EHBP1: variants seen among roughly 807,000 people sequenced by gnomAD.
EHBP1 encodes the protein EH domain-binding protein 1.
A neutral mutation model predicts 144.0 loss-of-function variants in EHBP1; 55 were observed. The ratio of observed to expected loss-of-function variants is 0.38; its 90% CI spans 0.31 to 0.48. EHBP1 has a LOEUF of 0.48. Among genes scored for constraint, EHBP1 ranks in the 20% least tolerant of loss-of-function variants. The probability of loss-of-function intolerance (pLI) is 0.98; values close to 1 mark genes in which losing one functional copy is unlikely to be tolerated. For missense variants in EHBP1, 1,200 were observed against 1,364.2 expected (o/e 0.88, Z 1.90); for synonymous variants, 469 against 472.7 (o/e 0.99, Z 0.10).
chr2:62,817,376 G>A (rs2045524110), intron 5 of EHBP1, among the ~76,000 whole-genome samples: 1 of 152,110 alleles, frequency 6.6e-6, no homozygotes, highest in Non-Finnish European at 1.5e-5. Flanking sequence ...TCCTAGTAAT[G>A]GAAATAGCAA....
chr2:62,878,815 C>T (rs746393524), intron 10 of EHBP1, among the ~76,000 whole-genome samples: 5 of 151,852 alleles, frequency 3.3e-5, no homozygotes, highest in African/African-American at 7.3e-5. Flanking sequence ...TTGAGACAAG[C>T]CTGGCCAAAA....
chr2:63,037,400 A>G lies in EHBP1; in HGVS notation c.3104-135A>G, dbSNP rs543753350. On this transcript the variant is annotated intron_variant, in intron 19 of 22. Coordinates refer to ENST00000431489, the MANE Select transcript of EHBP1 (RefSeq NM_001142616.3). ...TTCTTTTTTCAGGACTTAGACTTTA[A>G]CCTTCTTATAAGCAGTTTAATATAT... 1.6e-5 allele frequency: 9 copies of G among 575,278 alleles called. No homozygotes were observed. In the East Asian group the frequency reaches 2.9e-4, roughly 19 times the overall value. The allele number at this position is 575,278 out of a possible 1,614,324, so 35.6% of individuals were successfully genotyped here. A position where few individuals can be genotyped will look rare whatever the true frequency, so the allele number is the denominator to read the frequency against.
chr2:62,798,953 G>C (rs891025544), intron 5 of EHBP1, among the ~76,000 whole-genome samples: 3 of 139,230 alleles, frequency 2.2e-5, no homozygotes, highest in Admixed American at 8.0e-5. Context: ...GCAGTGAGCC[G>C]AGATCGTGCC....
At chr2:62,721,287 C>A (rs1001797889) in intron 2 of EHBP1, among the ~76,000 whole-genome samples, 2 of 151,884 alleles carry the variant, frequency 1.3e-5, no homozygotes, top group African/African-American at 4.8e-5. Context: ...GATAAGATAC[C>A]ACAGAGGTAA....
At chr2:62,998,493 T>G (rs567396058) in intron 19 of EHBP1, among the ~76,000 whole-genome samples, 1 of 152,188 alleles carries the variant, frequency 6.6e-6, no homozygotes, top group Non-Finnish European at 1.5e-5. Flanking sequence ...CCACCTTCCC[T>G]GATTGTGTTG....
At chr2:62,709,009 A>G (rs2034865889) in intron 2 of EHBP1, among the ~76,000 whole-genome samples, 1 of 152,238 alleles carries the variant, frequency 6.6e-6, no homozygotes, top group Admixed American at 6.5e-5. Context: ...TGTAGGTGAT[A>G]GGAACATAGT....
intron 1 of EHBP1, among the ~76,000 whole-genome samples, chr2:62,700,536 T>A (rs114241581): frequency 0.021 from 3,253 of 152,246 alleles, 51 homozygotes; most frequent in Non-Finnish European, 0.032. Context: ...CATGGATTGT[T>A]GCTGGGTTGA....
intron 3 of EHBP1, among the ~76,000 whole-genome samples, chr2:62,763,026 A>G (rs1255907437): frequency 6.6e-6 from 1 of 151,902 alleles, no homozygotes; most frequent in African/African-American, 2.4e-5. Context: ...TGCCCTCTTT[A>G]TTATATAAGA....
intron 4 of EHBP1, among the ~76,000 whole-genome samples, chr2:62,769,338 A>G (rs536163368): frequency 5.8e-4 from 89 of 152,326 alleles, no homozygotes; most frequent in Non-Finnish European, 1.1e-3. Context: ...ATGTGTAAAA[A>G]TCACTAACAT....
chr2:62,864,350 G>A (rs529018088), intron 8 of EHBP1, among the ~76,000 whole-genome samples: 10 of 152,160 alleles, frequency 6.6e-5, no homozygotes, highest in East Asian at 3.9e-4. Flanking sequence ...ATTATGTATC[G>A]GTTTGTAATG....
chr2:62,859,377 C>G (rs1207075527), intron 8 of EHBP1, 86 bp downstream of exon 8: 1 of 1,269,254 alleles, frequency 7.9e-7, no homozygotes, highest in African/African-American at 1.5e-5. Flanking sequence ...TCTTCAGAGA[C>G]TAACACACAA....
chr2:62,990,160 A>G (rs531684857), intron 15 of EHBP1, among the ~76,000 whole-genome samples: 4 of 152,218 alleles, frequency 2.6e-5, no homozygotes, highest in African/African-American at 9.6e-5. Context: ...TATTTCTGCT[A>G]TCTAAGTAGA....
intron 5 of EHBP1, among the ~76,000 whole-genome samples, chr2:62,799,022 A>G (rs1342950836): frequency 1.3e-5 from 2 of 151,636 alleles, no homozygotes; most frequent in South Asian, 4.2e-4. Flanking sequence ...AAAAAAAAAA[A>G]AAAGAAATTC....
chr2:62,705,560 A>T (rs896011130), upstream of EHBP1: 2 of 151,966 alleles, frequency 1.3e-5, no homozygotes, highest in African/African-American at 4.8e-5. Flanking sequence ...CCTCCCGAGC[A>T]AGGGCAAGGC....
At chr2:62,883,105 G>A (rs2051613888) in intron 10 of EHBP1, among the ~76,000 whole-genome samples, 1 of 151,772 alleles carries the variant, frequency 6.6e-6, no homozygotes, top group Non-Finnish European at 1.5e-5. Context: ...CCTTGGATAA[G>A]TAATTTGCTA....
At chr2:62,898,172 G>T (rs1015352419) in intron 10 of EHBP1, among the ~76,000 whole-genome samples, 1 of 152,074 alleles carries the variant, frequency 6.6e-6, no homozygotes, top group Non-Finnish European at 1.5e-5. Flanking sequence ...TCTGATTCGC[G>T]GGAGTGACAT....
Position 62,674,843 on chromosome 2 carries a change from C to T in EHBP1, c.-296+760C>T, listed in dbSNP as rs528757830. On this transcript the variant is annotated intron_variant, in intron 1 of 22. Coordinates refer to the EHBP1 transcript ENST00000405015. Reference sequence around the variant, plus strand: ...ACAGGGTCTCGCTATGTTTTCCAGGCTGATGTTAAATTCCTGGCCTCAAAT... The same window carrying T: ...ACAGGGTCTCGCTATGTTTTCCAGGTTGATGTTAAATTCCTGGCCTCAAAT... 2.0e-5 allele frequency among the ~76,000 whole-genome samples: 3 copies of T among 152,270 alleles called. No homozygotes were observed. In the South Asian group the frequency reaches 6.2e-4, roughly 32 times the overall value.
chr2:62,813,295 C>G (rs1188645667), intron 5 of EHBP1, among the ~76,000 whole-genome samples: 1 of 152,204 alleles, frequency 6.6e-6, no homozygotes, highest in African/African-American at 2.4e-5. Context: ...GATGTTAAGT[C>G]TGCAGGCCTG....
chr2:62,725,909 C>A (rs2036738101), intron 2 of EHBP1, among the ~76,000 whole-genome samples: 1 of 152,086 alleles, frequency 6.6e-6, no homozygotes, highest in African/African-American at 2.4e-5. Context: ...ACCAGTCAAG[C>A]ACTGTTGCTA....
Sources: allele counts gnomAD v4.1 joint callset (sites outside exome capture counted in the v4.1 genomes callset), GRCh38; gene constraint gnomAD v4.1.1; transcripts MANE v1.5; gene names NCBI Gene and HGNC (gene_info 2026-07-23, HGNC 2026-07-21).